Variants in C9 observed in about 807,000 individuals in gnomAD.
C9 encodes the protein complement C9.
C9 carries 63 observed loss-of-function variants against 65.4 expected under a neutral mutation model. That is an observed-to-expected ratio of 0.96 (90% CI 0.79 to 1.19). C9 has a LOEUF of 1.19. C9 is among the 50% of genes most tolerant of loss of function. The pLI is 0.00. For synonymous variants in C9, 229 were observed against 227.9 expected (o/e 1.00, Z -0.04); for missense variants, 744 against 670.1 (o/e 1.11, Z -1.22).
Position 39,342,193 on chromosome 5 carries a change from A to T in C9, c.81T>A (p.Tyr27Ter). 2 of 1,526,920 alleles carry T rather than the reference A, an allele frequency of 1.3e-6. No homozygotes were observed. The highest frequency in any genetic ancestry group is 4.5e-5 in the East Asian group (2 of 44,496). 94.6% of individuals were successfully genotyped at this position (1,526,920 alleles called of 1,614,324 possible). ...CACTGCTTTCTGTTAGCTCTGGGTCATAACTAAGATAACAGAACATCCCAG... is the reference window on the plus strand; with the variant it reads ...CACTGCTTTCTGTTAGCTCTGGGTCTTAACTAAGATAACAGAACATCCCAG... ...SILTAQYTTS[Y>*]DPELTESSGS... Residue 27 changes from tyrosine to a stop codon, truncating the protein, a stop_gained, in exon 2 of 11, where the codon TAT becomes TAA. Transcript: ENST00000263408. LOFTEE classifies it high-confidence loss of function.
intron 4 of C9, among the ~76,000 whole-genome samples, chr5:39,338,244 A>C (rs896393709): frequency 1.3e-5 from 2 of 152,140 alleles, no homozygotes; most frequent in African/African-American, 4.8e-5. Flanking sequence ...TTTGCTTTGA[A>C]GTTAAGGTGT....
intron 9 of C9, among the ~76,000 whole-genome samples, chr5:39,294,669 T>A (rs993563828): frequency 6.6e-6 from 1 of 151,750 alleles, no homozygotes; most frequent in Non-Finnish European, 1.5e-5. Flanking sequence ...TTCTCAAAAA[T>A]TTTTTTAAAG....
In C9 at chr5:39,341,684, A is replaced by G. The variant is rs1754087745; in HGVS notation, c.200T>C (p.Ile67Thr). ...CLRQMFRSRS[I>T]EVFGQFNGKR... is the part of the protein sequence containing the mutation. ...CCCATTAAATTGTCCAAAGACCTCA[A>G]TGCTTCTTGAACGAAACTGCACAAT... Residue 67 changes from isoleucine (I) to threonine (T), a missense_variant, in exon 3 of 11, where the codon ATT becomes ACT. Transcript: ENST00000263408. 1.2e-6 allele frequency: 2 copies of G among 1,614,006 alleles called. No individual in the cohort carries two copies. Among genetic ancestry groups the G allele is most frequent in the African/African-American group, 1.3e-5 (1 of 74,924 alleles).
At position 39,311,325 on chromosome 5, in the gene C9, A is replaced by T. The variant is rs760748503; in HGVS notation, c.923T>A (p.Met308Lys). Reference protein sequence around the residue: ...KGEIHLGRFVMRNRDVVLTTT... With the variant: ...KGEIHLGRFVKRNRDVVLTTT... ...TGTGAGCACAACATCGCGATTTCTC[A>T]TTACAAATCTTCCCAGATGAATTTC... Residue 308 changes from methionine to lysine, a missense_variant, in exon 7 of 11, where the codon ATG (methionine) becomes AAG (lysine). Met to Lys is a moderately conservative substitution (Grantham distance 95). Coordinates refer to ENST00000263408, the MANE Select transcript of C9 (RefSeq NM_001737.5). The T allele has an allele frequency of 1.9e-6, 3 of 1,611,472 alleles. No individual in the cohort carries two copies. Among genetic ancestry groups the T allele is most frequent in the East Asian group, 2.2e-5 (1 of 44,858 alleles).
At chr5:39,351,080 A>G (rs184156766) in intron 1 of C9, among the ~76,000 whole-genome samples, 4 of 152,310 alleles carry the variant, frequency 2.6e-5, no homozygotes, top group Non-Finnish European at 2.9e-5. Context: ...CTGCAGGCCC[A>G]ACACCATGTG....
intron 4 of C9, among the ~76,000 whole-genome samples, chr5:39,332,096 T>C (rs1753854520): frequency 2.0e-5 from 3 of 152,098 alleles, no homozygotes; most frequent in African/African-American, 7.2e-5. Context: ...GACCATCTGG[T>C]TCCTGGAGTT....
intron 4 of C9, among the ~76,000 whole-genome samples, chr5:39,335,561 A>G (rs942886983): frequency 6.6e-6 from 1 of 152,208 alleles, no homozygotes; most frequent in Non-Finnish European, 1.5e-5. Flanking sequence ...ATCAGGTGTT[A>G]TAAATAACCC....
At chr5:39,363,135 G>A (rs1001994807) in intron 1 of C9, among the ~76,000 whole-genome samples, 1 of 152,196 alleles carries the variant, frequency 6.6e-6, no homozygotes, top group Non-Finnish European at 1.5e-5. Flanking sequence ...TGAAGTTCAA[G>A]GGAGCTAAAG....
rs142067005 is a variant in C9 at position 39,311,920 on chromosome 5, A to G, written c.871-543T>C. Among the ~76,000 whole-genome samples, 13 of 152,346 alleles carry G rather than the reference A, an allele frequency of 8.5e-5. No individual in the cohort carries two copies. In the East Asian group the frequency reaches 2.1e-3, roughly 25 times the overall value. On this transcript the variant is annotated intron_variant, in intron 6 of 10. Transcript: ENST00000263408. ...TCAAAAATATTATACTGAGTAAAAG[A>G]AGTCAGACATAGAGGAGTATATCCT... is the stretch of plus-strand genomic sequence containing the variant.
intron 4 of C9, among the ~76,000 whole-genome samples, chr5:39,340,308 G>A (rs1046650295): frequency 6.6e-6 from 1 of 152,076 alleles, no homozygotes; most frequent in Non-Finnish European, 1.5e-5. Context: ...ATATACTACT[G>A]GGTGGAAGAA....
chr5:39,315,885 A>G lies in C9; in HGVS notation c.760T>C (p.Cys254Arg), dbSNP rs750144844. The change falls in exon 6 of 11, where the codon TGT becomes CGT. Residue 254 changes from cysteine to arginine, a missense_variant. Transcript: ENST00000263408. ...ATTGAGGAGGCTGTTTCCTCACAAC[A>G]TTGTTCAGCTTTATTTGTTTCAGTG... ...TPTETNKAEQ[C>R]CEETASSISL... 7 of 1,613,474 alleles carry G rather than the reference A, an allele frequency of 4.3e-6. No homozygotes were observed. The highest frequency in any genetic ancestry group is 5.9e-6 in the Non-Finnish European group (7 of 1,179,532).
At chr5:39,322,540 C>A (rs1046296378) in intron 5 of C9, among the ~76,000 whole-genome samples, 1 of 151,900 alleles carries the variant, frequency 6.6e-6, no homozygotes, top group Admixed American at 6.6e-5. Context: ...AAAAGGCCAA[C>A]AAAACCAAGA....
chr5:39,333,590 CT>C (rs1753886166), intron 4 of C9, among the ~76,000 whole-genome samples: 4 of 96,166 alleles, frequency 4.2e-5, no homozygotes, highest in Non-Finnish European at 9.8e-5. Flanking sequence ...CTCCGTCTCC[CT>C]CTCCGTCTCC....
At chr5:39,317,795 C>T (rs1161451885) in intron 5 of C9, among the ~76,000 whole-genome samples, 1 of 151,832 alleles carries the variant, frequency 6.6e-6, no homozygotes, top group Non-Finnish European at 1.5e-5. Flanking sequence ...CAGCTCTGTT[C>T]TTTTTGCTTA....
intron 9 of C9, among the ~76,000 whole-genome samples, chr5:39,290,850 AT>A (rs1753080411): frequency 6.6e-6 from 1 of 151,900 alleles, no homozygotes; most frequent in African/African-American, 2.4e-5. Flanking sequence ...CTATCCTTTG[AT>A]TTGGGGACTA....
chr5:39,330,940 A>G (rs1213742649), intron 5 of C9, among the ~76,000 whole-genome samples: 1 of 152,238 alleles, frequency 6.6e-6, no homozygotes, highest in East Asian at 1.9e-4. Context: ...AGAGCCCTGT[A>G]ATAACTGAAT....
At chr5:39,295,645 A>G (rs1753172598) in intron 9 of C9, among the ~76,000 whole-genome samples, 1 of 151,750 alleles carries the variant, frequency 6.6e-6, no homozygotes. Flanking sequence ...TGACAATGAC[A>G]TTCCTCACAG....
chr5:39,312,032 T>C (rs970720792), intron 6 of C9, among the ~76,000 whole-genome samples: 1 of 152,038 alleles, frequency 6.6e-6, no homozygotes, highest in Non-Finnish European at 1.5e-5. Context: ...TCTTAGGTGG[T>C]AGGGAACGGA....
intron 4 of C9, among the ~76,000 whole-genome samples, chr5:39,333,279 G>A (rs1753878219): frequency 6.6e-6 from 1 of 152,106 alleles, no homozygotes; most frequent in Non-Finnish European, 1.5e-5. Flanking sequence ...CTCCCTAGTG[G>A]CTTTGTGCTT....
Sources: allele counts gnomAD v4.1 joint callset (sites outside exome capture counted in the v4.1 genomes callset), GRCh38; gene constraint gnomAD v4.1.1; transcripts MANE v1.5; gene names NCBI Gene and HGNC (gene_info 2026-07-23, HGNC 2026-07-21).